TRIM44: variants seen among roughly 807,000 people sequenced by gnomAD.
The protein encoded by TRIM44 is tripartite motif-containing protein 44.
TRIM44 carries 13 observed loss-of-function variants against 37.4 expected under a neutral mutation model. The observed-to-expected ratio is 0.35, with a 90% CI of 0.23 to 0.55. The LOEUF (loss-of-function observed/expected upper bound fraction) is 0.55, where lower values mean the gene tolerates loss of function less well. TRIM44 is among the 20% of genes least tolerant of loss of function. The pLI is 0.89. For missense variants in TRIM44, 426 were observed against 437.2 expected (o/e 0.97, Z 0.23); for synonymous variants, 175 against 157.2 (o/e 1.11, Z -0.85).
chr11:35,716,986 T>C (rs1034225793), intron 2 of TRIM44, among the ~76,000 whole-genome samples: 2 of 152,154 alleles, frequency 1.3e-5, no homozygotes, highest in African/African-American at 2.4e-5. Context: ...GTGTCTAATA[T>C]GTGGGGCACT....
intron 1 of TRIM44, among the ~76,000 whole-genome samples, chr11:35,664,745 A>G (rs1424676514): frequency 1.3e-5 from 2 of 152,336 alleles, no homozygotes; most frequent in East Asian, 3.9e-4. Context: ...CTTACAGTCT[A>G]ACAAATAATT....
intron 4 of TRIM44, among the ~76,000 whole-genome samples, chr11:35,756,653 A>G (rs1191731001): frequency 6.6e-6 from 1 of 152,162 alleles, no homozygotes; most frequent in Non-Finnish European, 1.5e-5. Context: ...TGTCATAGAT[A>G]GCTCTTATTA....
At chr11:35,778,581 C>A (rs1853008131) in intron 4 of TRIM44, among the ~76,000 whole-genome samples, 1 of 152,090 alleles carries the variant, frequency 6.6e-6, no homozygotes, top group Non-Finnish European at 1.5e-5. Context: ...TGGTTTCTCC[C>A]CATCTTTGTG....
chr11:35,755,323 A>G (rs1430337242), intron 4 of TRIM44, among the ~76,000 whole-genome samples: 1 of 151,728 alleles, frequency 6.6e-6, no homozygotes, highest in Non-Finnish European at 1.5e-5. Flanking sequence ...GTGTCTGTTC[A>G]TATCTTTTGC....
chr11:35,749,011 C>T (rs1852529435), intron 4 of TRIM44, among the ~76,000 whole-genome samples: 3 of 152,196 alleles, frequency 2.0e-5, no homozygotes, highest in South Asian at 4.2e-4. Flanking sequence ...GCAAGACTTC[C>T]CTGTATTCCT....
intron 2 of TRIM44, among the ~76,000 whole-genome samples, chr11:35,723,520 A>G (rs894794262): frequency 2.0e-5 from 3 of 152,212 alleles, no homozygotes; most frequent in African/African-American, 7.2e-5. Flanking sequence ...AAGGTTTTGT[A>G]AAGCGGATTA....
At chr11:35,794,533 C>T (rs1012847558) in intron 4 of TRIM44, among the ~76,000 whole-genome samples, 21 of 152,220 alleles carry the variant, frequency 1.4e-4, no homozygotes, top group Non-Finnish European at 2.6e-4. Flanking sequence ...TTTACTCATA[C>T]GGCTTCCAGT....
At chr11:35,730,231 G>A (rs180996367) in intron 3 of TRIM44, among the ~76,000 whole-genome samples, 26 of 152,238 alleles carry the variant, frequency 1.7e-4, no homozygotes, top group Admixed American at 9.2e-4. Flanking sequence ...TTCACTGGAT[G>A]GGCTTAATGG....
chr11:35,716,465 A>C (rs1427731127), intron 2 of TRIM44, among the ~76,000 whole-genome samples: 1 of 152,118 alleles, frequency 6.6e-6, no homozygotes, highest in African/African-American at 2.4e-5. Context: ...GAGTATTTGG[A>C]AGGGAATACA....
At chr11:35,684,660 G>A (rs997082652) in intron 1 of TRIM44, among the ~76,000 whole-genome samples, 2 of 152,128 alleles carry the variant, frequency 1.3e-5, no homozygotes, top group Non-Finnish European at 2.9e-5. Flanking sequence ...GTATATGTCT[G>A]ACTCAAAAAC....
At chr11:35,767,826 A>G (rs1044895839) in intron 4 of TRIM44, among the ~76,000 whole-genome samples, 1 of 152,182 alleles carries the variant, frequency 6.6e-6, no homozygotes, top group Non-Finnish European at 1.5e-5. Flanking sequence ...TAGTGCAGAT[A>G]TGTGATCCCC....
chr11:35,665,159 G>GC (rs925404599), intron 1 of TRIM44, among the ~76,000 whole-genome samples: 1 of 151,810 alleles, frequency 6.6e-6, no homozygotes, highest in Non-Finnish European at 1.5e-5. Flanking sequence ...AGGTTTGGGA[G>GC]CGTCGGGCTG....
chr11:35,670,917 T>C (rs777120094), intron 1 of TRIM44, among the ~76,000 whole-genome samples: 2 of 152,258 alleles, frequency 1.3e-5, no homozygotes, highest in African/African-American at 2.4e-5. Context: ...GATAAAGATA[T>C]GAGCTTGATG....
intron 4 of TRIM44, among the ~76,000 whole-genome samples, chr11:35,788,901 T>C (rs1266362740): frequency 6.6e-6 from 1 of 152,218 alleles, no homozygotes; most frequent in Non-Finnish European, 1.5e-5. Context: ...TTCCACAGGC[T>C]TTGCTTAAAC....
intron 4 of TRIM44, 37 bp from the exon 5 acceptor site, chr11:35,806,321 A>G: frequency 6.2e-7 from 1 of 1,613,096 alleles, no homozygotes; most frequent in Non-Finnish European, 8.5e-7. Context: ...CCTTCTTGTG[A>G]TATCTTAACT....
At chr11:35,768,076 G>A (rs1852820183) in intron 4 of TRIM44, among the ~76,000 whole-genome samples, 1 of 152,192 alleles carries the variant, frequency 6.6e-6, no homozygotes, top group South Asian at 2.1e-4. Context: ...ACTGCCCAAG[G>A]CATAGCGGAC....
intron 3 of TRIM44, among the ~76,000 whole-genome samples, chr11:35,734,456 C>T (rs754544546): frequency 1.1e-4 from 16 of 152,152 alleles, no homozygotes; most frequent in African/African-American, 2.2e-4. Context: ...CCCAGAACAT[C>T]GGACTTGAGA....
At chr11:35,741,094 C>G (rs1852391352) in intron 4 of TRIM44, among the ~76,000 whole-genome samples, 1 of 152,070 alleles carries the variant, frequency 6.6e-6, no homozygotes, top group Non-Finnish European at 1.5e-5. Flanking sequence ...GTCTTCATTG[C>G]AGGAAGTCTA....
At position 35,811,640 on chromosome 11, in the gene TRIM44, G is replaced by GACTC. The variant is rs1454110004; in HGVS notation, c.*5257_*5260dup. ...GAGGCCTTCAGGAGCCAAATGTGAA[G>GACTC]ACTCAAGATGGTAGATACTGTGTGA... On this transcript the variant is annotated 3_prime_UTR_variant, in exon 5 of 5. Transcript: ENST00000299413. 5.9e-5 allele frequency: 9 copies of GACTC among 152,266 alleles called. No homozygotes were observed. The highest frequency in any genetic ancestry group is 1.9e-4 in the African/African-American group (8 of 41,550). The allele number at this position is 152,266 out of a possible 1,614,324, so 9.4% of individuals were successfully genotyped here.
Sources: allele counts gnomAD v4.1 joint callset (sites outside exome capture counted in the v4.1 genomes callset), GRCh38; gene constraint gnomAD v4.1.1; transcripts MANE v1.5; gene names NCBI Gene and HGNC (gene_info 2026-07-23, HGNC 2026-07-21).